The following ADGRV1 variants were observed in gnomAD, a reference collection of about 807,000 sequenced individuals.
ADGRV1 encodes adhesion G protein-coupled receptor V1.
A neutral mutation model predicts 596.2 loss-of-function variants in ADGRV1; 359 were observed. The observed-to-expected ratio is 0.60, with a 90% CI of 0.55 to 0.66. The LOEUF (loss-of-function observed/expected upper bound fraction) is 0.66, where lower values mean the gene tolerates loss of function less well. ADGRV1 is among the 30% of genes least tolerant of loss of function. The pLI, the probability that ADGRV1 is intolerant of heterozygous loss-of-function variation, is 0.00. For synonymous variants in ADGRV1, 2,681 were observed against 2,679.2 expected, an observed-to-expected ratio of 1.00 and a Z score of -0.02; for missense variants, 7,274 against 7,575.6, an observed-to-expected ratio of 0.96 and a Z score of 1.48.
chr5:91,090,977 TTG>T (rs1181050364), intron 86 of ADGRV1, among the ~76,000 whole-genome samples: 1 of 152,158 alleles, frequency 6.6e-6, no homozygotes, highest in Non-Finnish European at 1.5e-5. Context: ...TCTTTCAAGA[TTG>T]TGTAGTTCAC....
chr5:90,637,843 G>A lies in ADGRV1; in HGVS notation c.2135G>A (p.Gly712Asp). 1 of 1,613,614 alleles carries A rather than the reference G, an allele frequency of 6.2e-7. No homozygotes were observed. Residue 712 changes from glycine (G) to aspartate (D), a missense_variant, in exon 11 of 90, where the codon GGC (glycine) becomes GAC (aspartate). Coordinates refer to ENST00000405460, the MANE Select transcript of ADGRV1 (RefSeq NM_032119.4). The stretch of plus-strand genomic sequence containing the variant: ...CCGGATGATATAGGCCCCTTTAATG[G>A]CTCTGTTTTGTTTTTATCTGGGCAA... ...VTPDDIGPFNGSVLFLSGQSD... is the reference protein window; with the variant it reads ...VTPDDIGPFNDSVLFLSGQSD...
At position 90,830,257 on chromosome 5, in the gene ADGRV1, C is replaced by T. The variant is rs184792559; in HGVS notation, c.16611+1071C>T. ...GTGCAGCAAACAAAAAGAAAACTCCCTATTATATGAGACCCTAGAAATAAA... is the reference window on the plus strand; with the variant it reads ...GTGCAGCAAACAAAAAGAAAACTCCTTATTATATGAGACCCTAGAAATAAA... On this transcript the variant is annotated intron_variant, in intron 77 of 89. Transcript: ENST00000405460. Among the ~76,000 whole-genome samples, 69 of 152,200 alleles carry T rather than the reference C, an allele frequency of 4.5e-4. No homozygotes were observed. In the East Asian group the frequency reaches 0.013, roughly 29 times the overall value.
At chr5:91,153,945 A>G (rs1037972832) in intron 89 of ADGRV1, among the ~76,000 whole-genome samples, 3 of 152,384 alleles carry the variant, frequency 2.0e-5, no homozygotes, top group African/African-American at 7.2e-5. Context: ...ACTCATCAGC[A>G]TATGATACTA....
chr5:90,999,897 G>A (rs1781721399), intron 85 of ADGRV1, among the ~76,000 whole-genome samples: 1 of 152,004 alleles, frequency 6.6e-6, no homozygotes, highest in African/African-American at 2.4e-5. Context: ...AACCATTCCT[G>A]GCTCAAAAGG....
chr5:91,035,864 T>A (rs13179626), intron 85 of ADGRV1, among the ~76,000 whole-genome samples: 27 of 68,220 alleles, frequency 4.0e-4, no homozygotes, highest in East Asian at 7.4e-4. Flanking sequence ...ATATATATTA[T>A]ATATATATAT....
At chr5:91,027,416 A>C (rs1784107675) in intron 85 of ADGRV1, among the ~76,000 whole-genome samples, 1 of 152,144 alleles carries the variant, frequency 6.6e-6, no homozygotes, top group Non-Finnish European at 1.5e-5. Flanking sequence ...GGTGAGATAC[A>C]GTGAGTGTAT....
chr5:90,771,003 A>G (rs1184607359), intron 59 of ADGRV1, among the ~76,000 whole-genome samples: 4 of 152,222 alleles, frequency 2.6e-5, no homozygotes. Flanking sequence ...AAAATTGGTT[A>G]CATATTTTTC....
rs919358859 is a variant in ADGRV1, at chr5:90,778,533, C to CG, written c.12775dup (p.Val4259GlyfsTer16). 1 of 1,612,686 alleles carries CG rather than the reference C, an allele frequency of 6.2e-7. No individual in the cohort carries two copies. The highest frequency in any genetic ancestry group is 8.5e-7 in the Non-Finnish European group (1 of 1,179,290). The stretch of plus-strand genomic sequence containing the variant: ...GAATCCAGCAGCACTGCCAACATCA[C>CG]GGTGGTGGCCAGCGACTCTCCCTAT... On this transcript the variant is annotated frameshift_variant, in exon 63 of 90. Coordinates refer to ENST00000405460, the MANE Select transcript of ADGRV1 (RefSeq NM_032119.4). LOFTEE classifies it high-confidence loss of function.
Position 90,684,207 on chromosome 5 carries a change from T to A in ADGRV1, c.6274+12T>A. On this transcript the variant is annotated intron_variant, in intron 28 of 89. Transcript: ENST00000405460. ...ACAGAGTCGTTCAAGTAAGTATCCC[T>A]TAGTGTGTTATTATTATTATTAGCT... 1 of 1,574,816 alleles carries A rather than the reference T, an allele frequency of 6.3e-7. No individual in the cohort carries two copies. Among genetic ancestry groups the A allele is most frequent in the Non-Finnish European group, 8.6e-7 (1 of 1,158,662 alleles).
At chr5:90,871,846 C>T (rs1363796587) in intron 83 of ADGRV1, among the ~76,000 whole-genome samples, 1 of 152,142 alleles carries the variant, frequency 6.6e-6, no homozygotes, top group Non-Finnish European at 1.5e-5. Flanking sequence ...GGGGTAACAT[C>T]TGTCAACTAC....
chr5:90,725,579 CAAGT>C lies in ADGRV1; in HGVS notation c.10088_10091del (p.Val3363AspfsTer11), dbSNP rs1292664749. 40 of 1,576,298 alleles carry C rather than the reference CAAGT, an allele frequency of 2.5e-5. No homozygotes were observed. Among genetic ancestry groups the C allele is most frequent in the Non-Finnish European group, 3.4e-5 (39 of 1,146,498 alleles). ...AACAATCATTATTCTGGAAAGTTCT[CAAGT>C]AAGATATTTTACTTCAGACAGCCAA... On this transcript the variant is annotated frameshift_variant, in exon 48 of 90. Coordinates refer to ENST00000405460, the MANE Select transcript of ADGRV1 (RefSeq NM_032119.4). LOFTEE classifies it high-confidence loss of function.
intron 85 of ADGRV1, among the ~76,000 whole-genome samples, chr5:91,021,744 A>C (rs1331209068): frequency 1.3e-5 from 2 of 152,110 alleles, no homozygotes; most frequent in Admixed American, 1.3e-4. Flanking sequence ...ACAGACAAAC[A>C]GTGATCCTTG....
At chr5:90,918,136 A>T (rs1773549720) in intron 83 of ADGRV1, among the ~76,000 whole-genome samples, 2 of 151,998 alleles carry the variant, frequency 1.3e-5, no homozygotes, top group Non-Finnish European at 2.9e-5. Context: ...TGGCTTTCAC[A>T]GTTCAGATCA....
intron 67 of ADGRV1, among the ~76,000 whole-genome samples, chr5:90,784,968 C>A (rs1206603198): frequency 6.6e-6 from 1 of 152,140 alleles, no homozygotes; most frequent in African/African-American, 2.4e-5. Flanking sequence ...TCAAGACAAT[C>A]CTAAGCAAAA....
At chr5:91,112,832 GATTTTGCCTCTAA>G (rs1792493574) in intron 87 of ADGRV1, among the ~76,000 whole-genome samples, 8 of 152,116 alleles carry the variant, frequency 5.3e-5, no homozygotes, top group Admixed American at 5.2e-4. Flanking sequence ...CAGAGGTGCT[GATTTTGCCTCTAA>G]ATTTTGTCCT....
chr5:90,778,932 G>A lies in ADGRV1; in HGVS notation c.12917G>A (p.Ser4306Asn), dbSNP rs1053016545. Reference protein sequence around the residue: ...GHVRLWYKTMSGTAEAGLDFV... With the variant: ...GHVRLWYKTMNGTAEAGLDFV... ...GTGCGACTCTGGTACAAGACGATGA[G>A]CGGGACAGCGGAAGCAGGCTTGGAT... Residue 4306 changes from serine (S) to asparagine (N), a missense_variant, in exon 64 of 90, where the codon AGC (serine) becomes AAC (asparagine). By Grantham distance (46) the Ser-to-Asn change is conservative. Transcript: ENST00000405460. The A allele has an allele frequency of 1.9e-6, 3 of 1,613,400 alleles. No individual in the cohort carries two copies. Among genetic ancestry groups the A allele is most frequent in the South Asian group, 1.1e-5 (1 of 91,070 alleles).
chr5:91,012,673 T>C (rs1209304920), intron 85 of ADGRV1, among the ~76,000 whole-genome samples: 1 of 152,012 alleles, frequency 6.6e-6, no homozygotes, highest in Non-Finnish European at 1.5e-5. Flanking sequence ...GGGTCCATGG[T>C]AATGTATATT....
chr5:90,749,844 G>A (rs1252722637), intron 52 of ADGRV1, among the ~76,000 whole-genome samples: 1 of 152,096 alleles, frequency 6.6e-6, no homozygotes, highest in East Asian at 1.9e-4. Context: ...AAAGAGGCTA[G>A]GAAGCATAGA....
intron 3 of ADGRV1, 33 bp downstream of exon 3, chr5:90,617,986 AAGG>A: frequency 6.7e-7 from 1 of 1,485,170 alleles, no homozygotes; most frequent in East Asian, 2.5e-5. Context: ...TAAAAATTAT[AAGG>A]AGGACTTATA....
Sources: allele counts gnomAD v4.1 joint callset (sites outside exome capture counted in the v4.1 genomes callset), GRCh38; gene constraint gnomAD v4.1.1; transcripts MANE v1.5; gene names NCBI Gene and HGNC (gene_info 2026-07-23, HGNC 2026-07-21).